The following GBP5 variants were observed in gnomAD, a reference collection of about 807,000 sequenced individuals.
GBP5 encodes the protein guanylate binding protein 5.
In GBP5, 48 loss-of-function variants were observed where a neutral mutation model predicts 58.2. The observed-to-expected ratio is 0.83, with a 90% CI of 0.65 to 1.05. GBP5 has a LOEUF of 1.05. Ranked by LOEUF, GBP5 falls within the 50% of genes least tolerant of loss-of-function variation. The pLI, the probability that GBP5 is intolerant of heterozygous loss-of-function variation, is 0.00. For synonymous variants in GBP5, 248 were observed against 251.8 expected, an observed-to-expected ratio of 0.98 and a Z score of 0.14; for missense variants, 714 against 686.8, an observed-to-expected ratio of 1.04 and a Z score of -0.44.
At position 89,263,861 on chromosome 1, in the gene GBP5, A is replaced by C; in HGVS notation, c.1237T>G (p.Phe413Val). ...DYCSALLKDI[F>V]GPLEEAVKQG... ...TTCACTGCTTCTTCTAGAGGACCAAAAATATCCTTAAGTAAAGCCGAGCAA... is the reference window on the plus strand; with the variant it reads ...TTCACTGCTTCTTCTAGAGGACCAACAATATCCTTAAGTAAAGCCGAGCAA... Residue 413 changes from phenylalanine (F) to valine (V), a missense_variant, in exon 9 of 12, where the codon TTT (phenylalanine) becomes GTT (valine). Coordinates refer to ENST00000370459, the MANE Select transcript of GBP5 (RefSeq NM_052942.5). The C allele has an allele frequency of 6.2e-7, 1 of 1,612,844 alleles. No homozygotes were observed. The highest frequency in any genetic ancestry group is 8.5e-7 in the Non-Finnish European group (1 of 1,179,518).
chr1:89,269,037 T>C (rs1650337182), intron 3 of GBP5, among the ~76,000 whole-genome samples, 181 bp from the exon 4 acceptor site: 1 of 152,150 alleles, frequency 6.6e-6, no homozygotes, highest in African/African-American at 2.4e-5. Context: ...GGTTGGAACT[T>C]TGATATTAAA....
At chr1:89,270,556 G>A (rs1650402790) in intron 2 of GBP5, 199 bp downstream of exon 2, 1 of 152,184 alleles carries the variant, frequency 6.6e-6, no homozygotes. Context: ...AAATCATTAT[G>A]TTGACATAAA....
rs199922486 is a variant in GBP5, at chr1:89,268,839, T to C, written c.208A>G (p.Thr70Ala). ...GKNKGFSVASTVQSHTKGIWI... is the reference protein window; with the variant it reads ...GKNKGFSVASAVQSHTKGIWI... ...ATTCCCTTGGTGTGAGACTGCACCG[T>C]AGATGCAACAGAGAAGCCTGTCAGG... The change falls in exon 4 of 12, where the codon ACG (threonine) becomes GCG (alanine). Residue 70 changes from threonine to alanine, a missense_variant. Coordinates refer to ENST00000370459, the MANE Select transcript of GBP5 (RefSeq NM_052942.5). The C allele has an allele frequency of 2.0e-4, 323 of 1,613,780 alleles. No individual in the cohort carries two copies. In the East Asian group the frequency reaches 6.7e-3, roughly 33 times the overall value.
rs187814686 is a variant in GBP5, at chr1:89,263,388, A to G, written c.1362+348T>C. The G allele has an allele frequency of 7.0e-4, 142 of 202,794 alleles. 5 individuals carry two copies. The South Asian group carries it at 0.016, about 23-fold the overall frequency. The allele number at this position is 202,794 out of a possible 1,614,324, so 12.6% of individuals were successfully genotyped here. On this transcript the variant is annotated intron_variant, in intron 9 of 11. Transcript: ENST00000370459. ...TTTTGCTTTTAGTTTGTGTAAGCCA[A>G]TGAATTACTGGTGTTTCTTAGGTTA...
At position 89,268,740 on chromosome 1, in the gene GBP5, C is replaced by T; in HGVS notation, c.307G>A (p.Asp103Asn). The T allele has an allele frequency of 6.2e-7, 1 of 1,614,004 alleles. No individual in the cohort carries two copies. ...LVLLDTEGLGDVEKADNKNDI... is the reference protein window; with the variant it reads ...LVLLDTEGLGNVEKADNKNDI... The stretch of plus-strand genomic sequence containing the variant: ...GAATCCTTCCTTACCTTCTCTACAT[C>T]TCCCAGGCCCTCGGTGTCAAGCAGA... The change falls in exon 4 of 12, where the codon GAT becomes AAT. Residue 103 changes from aspartate to asparagine, a missense_variant. Coordinates refer to ENST00000370459, the MANE Select transcript of GBP5 (RefSeq NM_052942.5).
intron 8 of GBP5, among the ~76,000 whole-genome samples, chr1:89,264,206 G>A (rs967441842): frequency 6.6e-6 from 1 of 151,976 alleles, no homozygotes; most frequent in African/African-American, 2.4e-5. Flanking sequence ...CTAGCTTCAT[G>A]CTTTAATTTT....
Position 89,262,331 on chromosome 1 carries a change from C to T in GBP5, c.1536G>A (p.Glu512=). 1.2e-6 allele frequency: 2 copies of T among 1,614,146 alleles called. No individual in the cohort carries two copies. Among genetic ancestry groups the T allele is most frequent in the Non-Finnish European group, 1.7e-6 (2 of 1,180,014 alleles). ...QRLAAIQRQN[E]QMMQERERLH... ...GTCTCTCCCTCTCCTGCATCATTTG[C>T]TCGTTCTGCCTTTGAATCGCCGCCA... Residue 512 remains glutamate (E), a synonymous_variant, in exon 11 of 12, where the codon GAG becomes GAA. Transcript: ENST00000370459.
In GBP5 at chr1:89,262,699, C is replaced by G. The variant is rs775677633; in HGVS notation, c.1449G>C (p.Thr483=). Reference sequence around the variant, plus strand: ...TCTTCTCACCTTTCTTCTTTTTTTCCGTCTCTGTGAGAGCCTGGTCAGTCT... The same window carrying G: ...TCTTCTCACCTTTCTTCTTTTTTTCGGTCTCTGTGAGAGCCTGGTCAGTCT... ...ILQTDQALTE[T]EKKKKEAQVK... Residue 483 remains threonine, a synonymous_variant, in exon 10 of 12, where the codon ACG becomes ACC. Transcript: ENST00000370459. The G allele has an allele frequency of 6.3e-7, 1 of 1,599,736 alleles. No homozygotes were observed. Among genetic ancestry groups the G allele is most frequent in the African/African-American group, 1.3e-5 (1 of 74,130 alleles).
intron 10 of GBP5, 42 bp downstream of exon 10, chr1:89,262,641 T>C (rs1382794683): frequency 6.4e-6 from 9 of 1,395,536 alleles, no homozygotes; most frequent in Non-Finnish European, 9.1e-6. Context: ...TTAAAATTTA[T>C]AGATTTCTTT....
intron 2 of GBP5, 21 bp from the exon 3 acceptor site, chr1:89,269,595 T>C (rs375778479): frequency 8.6e-6 from 13 of 1,514,086 alleles, no homozygotes; most frequent in African/African-American, 1.4e-5. Context: ...ACAGATGGGA[T>C]AGGCTGGAAT....
chr1:89,263,971 G>A, intron 8 of GBP5, 23 bp from the exon 9 acceptor site: 8 of 1,373,120 alleles, frequency 5.8e-6, no homozygotes, highest in Non-Finnish European at 6.2e-6. Flanking sequence ...AAAAACCCAT[G>A]GAAAAGATGT....
intron 8 of GBP5, 119 bp downstream of exon 8, chr1:89,264,567 T>C: frequency 1.2e-6 from 1 of 828,072 alleles, no homozygotes; most frequent in Non-Finnish European, 1.9e-6. Context: ...GTGTCATGGC[T>C]ATATATTATT....
At position 89,263,786 on chromosome 1, in the gene GBP5, T is replaced by C; in HGVS notation, c.1312A>G (p.Thr438Ala). 6.2e-7 allele frequency: 1 copy of C among 1,613,842 alleles called. No individual in the cohort carries two copies. Among genetic ancestry groups the C allele is most frequent in the Non-Finnish European group, 8.5e-7 (1 of 1,179,952 alleles). ...TAGTACTTTGCCTTCAGTTCTTCTG[T>C]TTTCTGAATGAAGAGATTATGGCCT... is the stretch of plus-strand genomic sequence containing the variant. ...PGGHNLFIQK[T>A]EELKAKYYRE... Residue 438 changes from threonine (T) to alanine (A), a missense_variant, in exon 9 of 12, where the codon ACA (threonine) becomes GCA (alanine). Thr to Ala is a moderately conservative substitution (Grantham distance 58, BLOSUM62 0). Coordinates refer to ENST00000370459, the MANE Select transcript of GBP5 (RefSeq NM_052942.5).
intron 1 of GBP5, chr1:89,271,480 A>C (rs1045561166): frequency 2.9e-3 from 43 of 14,624 alleles, no homozygotes; most frequent in African/African-American, 0.014. Context: ...AAAATGCCCA[A>C]AAAAAAATAC....
Position 89,266,607 on chromosome 1 carries a change from G to C in GBP5, c.626-19C>G. On this transcript the variant is annotated intron_variant, in intron 6 of 11. Coordinates refer to ENST00000370459, the MANE Select transcript of GBP5 (RefSeq NM_052942.5). The stretch of plus-strand genomic sequence containing the variant: ...TCACTACCTGGAGAATAAAAAATAG[G>C]ATTTATTTAGCATAGACTTTGCACT... 1 of 1,597,414 alleles carries C rather than the reference G, an allele frequency of 6.3e-7. No homozygotes were observed. Among genetic ancestry groups the C allele is most frequent in the Non-Finnish European group, 8.6e-7 (1 of 1,169,292 alleles).
chr1:89,268,991 T>C (rs1650335665), intron 3 of GBP5, 135 bp from the exon 4 acceptor site: 1 of 862,920 alleles, frequency 1.2e-6, no homozygotes, highest in East Asian at 2.6e-5. Flanking sequence ...ATTTGAATGA[T>C]GATGCAGAAA....
Position 89,262,359 on chromosome 1 carries a change from C to A in GBP5, c.1508G>T (p.Arg503Met). Residue 503 changes from arginine (R) to methionine (M), a missense_variant, in exon 11 of 12, where the codon AGG (arginine) becomes ATG (methionine). Physicochemically the swap from Arg to Met is moderately conservative, Grantham distance 91. Transcript: ENST00000370459. The part of the protein sequence containing the change: ...KAEAEKAEAQ[R>M]LAAIQRQNEQ... ...GTTCTGCCTTTGAATCGCCGCCAAC[C>A]TTTGCGCTTCAGCCTTTTCAGCTTC... The A allele has an allele frequency of 6.2e-7, 1 of 1,614,096 alleles. No individual in the cohort carries two copies. Among genetic ancestry groups the A allele is most frequent in the Non-Finnish European group, 8.5e-7 (1 of 1,180,028 alleles).
Position 89,262,778 on chromosome 1 carries a change from T to C in GBP5, c.1370A>G (p.Glu457Gly). Residue 457 changes from glutamate (E) to glycine (G), a missense_variant, in exon 10 of 12, where the codon GAA becomes GGA. Glu to Gly is a moderately conservative substitution (Grantham distance 98). Coordinates refer to ENST00000370459, the MANE Select transcript of GBP5 (RefSeq NM_052942.5). ...GGACTTTAAATATTTCTGCAGAACT[T>C]CTTCAGCCTAGCAACCCGGAAAACA... The part of the protein sequence containing the change: ...REPRKGIQAE[E>G]VLQKYLKSKE... The C allele has an allele frequency of 1.3e-6, 2 of 1,562,836 alleles. No individual in the cohort carries two copies. The highest frequency in any genetic ancestry group is 1.7e-6 in the Non-Finnish European group (2 of 1,160,382).
In GBP5 at chr1:89,269,222, A is replaced by G. The variant is rs1194790924; in HGVS notation, c.190+144T>C. 10 of 805,952 alleles carry G rather than the reference A, an allele frequency of 1.2e-5. No individual in the cohort carries two copies. In the East Asian group the frequency reaches 1.8e-4, roughly 15 times the overall value. 49.9% of individuals were successfully genotyped at this position (805,952 alleles called of 1,614,324 possible). A position where few individuals can be genotyped will look rare whatever the true frequency, so the allele number is the denominator to read the frequency against. ...AACAGAGAACTGGTCTTCATCTTCC[A>G]AAAGATAAAAAGACCAGCTGTAGCC... On this transcript the variant is annotated intron_variant, in intron 3 of 11. Transcript: ENST00000370459.
Sources: gnomAD v4.1 joint callset for allele counts (sites outside exome capture counted in the v4.1 genomes callset) on GRCh38, gnomAD v4.1.1 for gene constraint, MANE v1.5 for transcripts, NCBI Gene and HGNC (gene_info 2026-07-23, HGNC 2026-07-21) for gene names.